Variants in LY86 observed in about 807,000 individuals in gnomAD.
The protein encoded by LY86 is MD-1, RP105-associated.
A neutral mutation model predicts 17.3 loss-of-function variants in LY86; 20 were observed. The ratio of observed to expected loss-of-function variants is 1.15; its 90% CI spans 0.81 to 1.68. The LOEUF (loss-of-function observed/expected upper bound fraction) is 1.68, where lower values mean the gene tolerates loss of function less well. Ranked by LOEUF, LY86 falls within the 40% of genes most tolerant of loss-of-function variation. The probability of loss-of-function intolerance (pLI) is 0.00; values close to 1 mark genes in which losing one functional copy is unlikely to be tolerated. For synonymous variants in LY86, 74 were observed against 70.6 expected (o/e 1.05, Z -0.24); for missense variants, 200 against 191.9 (o/e 1.04, Z -0.25).
At chr6:6,597,328 G>C (rs1760745247) in intron 1 of LY86, among the ~76,000 whole-genome samples, 1 of 152,228 alleles carries the variant, frequency 6.6e-6, no homozygotes, top group African/African-American at 2.4e-5. Context: ...GCTCCAGGTG[G>C]ACAGAGGTTG....
intron 1 of LY86, chr6:6,620,815 C>CT (rs1761655683): frequency 6.6e-6 from 1 of 152,278 alleles, no homozygotes; most frequent in Non-Finnish European, 1.5e-5. Flanking sequence ...TTATCCAACT[C>CT]TATTTTACTC....
At position 6,654,676 on chromosome 6, in the gene LY86, C is replaced by T; in HGVS notation, c.*49C>T. 1.3e-6 allele frequency: 2 copies of T among 1,498,916 alleles called. No homozygotes were observed. Among genetic ancestry groups the T allele is most frequent in the East Asian group, 2.3e-5 (1 of 44,328 alleles). 92.9% of individuals were successfully genotyped at this position (1,498,916 alleles called of 1,614,324 possible). A position where few individuals can be genotyped will look rare whatever the true frequency, so the allele number is the denominator to read the frequency against. On this transcript the variant is annotated 3_prime_UTR_variant, in exon 5 of 5. Coordinates refer to ENST00000230568, the MANE Select transcript of LY86 (RefSeq NM_004271.4). ...AGCCAGCTGCATCTCGTGGGACCTC[C>T]AAGCTCCTCTGACTGAACCTACTGT...
At chr6:6,607,044 C>T (rs1311759131) in intron 1 of LY86, among the ~76,000 whole-genome samples, 1 of 152,214 alleles carries the variant, frequency 6.6e-6, no homozygotes, top group African/African-American at 2.4e-5. Flanking sequence ...TTGCACGGGA[C>T]GTGAACACTA....
At chr6:6,601,746 T>C (rs755438659) in intron 1 of LY86, among the ~76,000 whole-genome samples, 3 of 151,642 alleles carry the variant, frequency 2.0e-5, no homozygotes, top group Admixed American at 2.0e-4. Flanking sequence ...AAAAGAAATA[T>C]ACAATAGAAA....
Position 6,615,165 on chromosome 6 carries a change from G to A in LY86, c.137-9761G>A, listed in dbSNP as rs577225383. 3.3e-5 allele frequency among the ~76,000 whole-genome samples: 5 copies of A among 152,284 alleles called. No individual in the cohort carries two copies. The South Asian group carries it at 1.0e-3, about 32-fold the overall frequency. On this transcript the variant is annotated intron_variant, in intron 1 of 4. Transcript: ENST00000230568. ...GCTTTTAACATTGGGTTTCAAACTA[G>A]GCAAGGCAAGAGAATCACCTGGGGA...
intron 3 of LY86, among the ~76,000 whole-genome samples, chr6:6,636,387 G>A (rs1435541278): frequency 1.3e-5 from 2 of 152,206 alleles, no homozygotes; most frequent in African/African-American, 4.8e-5. Context: ...ATAGAATGGC[G>A]TTCTGCACAC....
chr6:6,598,964 G>A (rs1156852074), intron 1 of LY86, among the ~76,000 whole-genome samples: 1 of 152,204 alleles, frequency 6.6e-6, no homozygotes, highest in African/African-American at 2.4e-5. Flanking sequence ...ACTGTTGCCT[G>A]ATATTCTGCC....
chr6:6,613,718 G>T (rs537973081), intron 1 of LY86, among the ~76,000 whole-genome samples: 2 of 152,374 alleles, frequency 1.3e-5, no homozygotes, highest in East Asian at 3.9e-4. Flanking sequence ...GGGCTGAAGG[G>T]CTCCTCAAGC....
At chr6:6,649,739 A>AG in intron 4 of LY86, 62 bp downstream of exon 4, 1 of 979,004 alleles carries the variant, frequency 1.0e-6, no homozygotes, top group Admixed American at 2.2e-5. Flanking sequence ...GAAGAAGGCT[A>AG]GAAGGAGGGA....
intron 4 of LY86, among the ~76,000 whole-genome samples, chr6:6,650,537 A>T (rs1473297182): frequency 6.6e-6 from 1 of 151,984 alleles, no homozygotes; most frequent in East Asian, 1.9e-4. Context: ...GTTTCACCAT[A>T]TTGGCCAGGT....
At chr6:6,611,644 G>A (rs930205299) in intron 1 of LY86, among the ~76,000 whole-genome samples, 1 of 152,222 alleles carries the variant, frequency 6.6e-6, no homozygotes, top group Non-Finnish European at 1.5e-5. Flanking sequence ...CCACACTGGT[G>A]CCTCCCTGTT....
intron 1 of LY86, among the ~76,000 whole-genome samples, chr6:6,597,871 G>A (rs1006365445): frequency 6.6e-6 from 1 of 152,262 alleles, no homozygotes; most frequent in African/African-American, 2.4e-5. Context: ...TGGTTAGCCA[G>A]AATGGCGTCC....
At chr6:6,613,571 G>C (rs1293312273) in intron 1 of LY86, among the ~76,000 whole-genome samples, 1 of 152,206 alleles carries the variant, frequency 6.6e-6, no homozygotes, top group Non-Finnish European at 1.5e-5. Context: ...ACGCCCACCG[G>C]GAACTCGCTC....
Position 6,624,952 on chromosome 6 carries a change from G to A in LY86, c.163G>A (p.Val55Ile), listed in dbSNP as rs148799324. Residue 55 changes from valine (V) to isoleucine (I), a missense_variant, in exon 2 of 5, where the codon GTT (valine) becomes ATT (isoleucine). Val to Ile is a conservative substitution (Grantham distance 29). Transcript: ENST00000230568. ...CDPLQDFGFS[V>I]EKCSKQLKSN... ...TCCATTACAAGATTTTGGCTTTTCT[G>A]TTGAAAAGTGTTCCAAGCAATTAAA... The A allele has an allele frequency of 1.9e-6, 3 of 1,563,310 alleles. No individual in the cohort carries two copies. The highest frequency in any genetic ancestry group is 2.7e-5 in the African/African-American group (2 of 73,748).
chr6:6,642,167 T>G (rs1422002573), intron 3 of LY86, among the ~76,000 whole-genome samples: 1 of 152,254 alleles, frequency 6.6e-6, no homozygotes, highest in Non-Finnish European at 1.5e-5. Context: ...AAGCATATGC[T>G]GCTGGGATTC....
intron 3 of LY86, among the ~76,000 whole-genome samples, chr6:6,641,576 A>T (rs1413204479): frequency 1.3e-5 from 2 of 152,212 alleles, no homozygotes; most frequent in African/African-American, 4.8e-5. Flanking sequence ...GAAAATTCTC[A>T]TTCCTGGTCT....
At chr6:6,634,914 G>A (rs1431245947) in intron 3 of LY86, among the ~76,000 whole-genome samples, 1 of 152,194 alleles carries the variant, frequency 6.6e-6, no homozygotes, top group African/African-American at 2.4e-5. Context: ...TCTGCAAAAT[G>A]CCTTACCCTC....
intron 1 of LY86, among the ~76,000 whole-genome samples, chr6:6,605,317 T>C (rs757815875): frequency 6.6e-6 from 1 of 152,208 alleles, no homozygotes; most frequent in African/African-American, 2.4e-5. Flanking sequence ...GGGTGTGGTT[T>C]AGTTGGGGGT....
intron 1 of LY86, among the ~76,000 whole-genome samples, chr6:6,614,744 G>GGAA (rs1761507909): frequency 6.7e-6 from 1 of 150,014 alleles, no homozygotes; most frequent in African/African-American, 2.5e-5. Flanking sequence ...AAATGAAACA[G>GGAA]AAAAAAAAAA....
Sources: allele counts gnomAD v4.1 joint callset (sites outside exome capture counted in the v4.1 genomes callset), GRCh38; gene constraint gnomAD v4.1.1; transcripts MANE v1.5; gene names NCBI Gene and HGNC (gene_info 2026-07-23, HGNC 2026-07-21).